Variants in RBFOX1 observed in about 807,000 individuals in gnomAD.
RBFOX1 encodes RNA binding protein fox-1 homolog 1.
A neutral mutation model predicts 57.7 loss-of-function variants in RBFOX1; 8 were observed. The ratio of observed to expected loss-of-function variants is 0.14; its 90% CI spans 0.08 to 0.25. The LOEUF (loss-of-function observed/expected upper bound fraction) is 0.25. RBFOX1 is among the 10% of genes least tolerant of loss of function. The pLI is 1.00. For synonymous variants in RBFOX1, 326 were observed against 222.4 expected, an observed-to-expected ratio of 1.47 and a Z score of -4.15; for missense variants, 611 against 548.5, an observed-to-expected ratio of 1.11 and a Z score of -1.14.
At chr16:5,482,098 T>C (rs776989343) in intron 2 of RBFOX1, among the ~76,000 whole-genome samples, 1 of 152,172 alleles carries the variant, frequency 6.6e-6, no homozygotes, top group Non-Finnish European at 1.5e-5. Flanking sequence ...CTAGGGACTT[T>C]CACCATGGCG....
chr16:5,353,387 A>AAG (rs397963021), intron 1 of RBFOX1, among the ~76,000 whole-genome samples: 3 of 151,152 alleles, frequency 2.0e-5, no homozygotes, highest in Non-Finnish European at 3.0e-5. Context: ...AAAAAAAAAA[A>AAG]GACTTCTTTG....
At chr16:6,863,536 T>C (rs2059370958) in intron 3 of RBFOX1, among the ~76,000 whole-genome samples, 1 of 151,982 alleles carries the variant, frequency 6.6e-6, no homozygotes. Context: ...ATTACAATTA[T>C]TTTCTGGTTA....
chr16:5,646,084 C>T (rs1405463109), intron 3 of RBFOX1, among the ~76,000 whole-genome samples: 1 of 151,382 alleles, frequency 6.6e-6, no homozygotes, highest in Non-Finnish European at 1.5e-5. Flanking sequence ...GGTTGGAGTA[C>T]GGTGGCACAA....
At chr16:6,336,223 G>T (rs1227718769) in intron 2 of RBFOX1, among the ~76,000 whole-genome samples, 3 of 75,148 alleles carry the variant, frequency 4.0e-5, no homozygotes, top group Non-Finnish European at 7.7e-5. Context: ...TTTTGAGATG[G>T]AGTCTCGCTC....
intron 2 of RBFOX1, among the ~76,000 whole-genome samples, chr16:6,461,154 G>A (rs1267734543): frequency 3.3e-5 from 5 of 152,122 alleles, no homozygotes; most frequent in Admixed American, 2.6e-4. Context: ...TGCATGCTGG[G>A]CTTAGTACCT....
chr16:7,107,333 C>G (rs1418281363), intron 4 of RBFOX1, among the ~76,000 whole-genome samples: 2 of 152,094 alleles, frequency 1.3e-5, no homozygotes, highest in South Asian at 2.1e-4. Flanking sequence ...ATATTCTCAT[C>G]TAATGCAGCA....
chr16:5,350,775 A>G (rs2065245560), intron 1 of RBFOX1, among the ~76,000 whole-genome samples: 1 of 152,214 alleles, frequency 6.6e-6, no homozygotes, highest in African/African-American at 2.4e-5. Flanking sequence ...CTGAGGCAGG[A>G]GAATCACTTG....
intron 3 of RBFOX1, among the ~76,000 whole-genome samples, chr16:6,657,478 G>T (rs2098667398): frequency 6.6e-6 from 1 of 152,032 alleles, no homozygotes; most frequent in Non-Finnish European, 1.5e-5. Flanking sequence ...TATGGTGTGA[G>T]GCCACACAGG....
At chr16:6,843,636 C>T (rs1479514536) in intron 3 of RBFOX1, among the ~76,000 whole-genome samples, 1 of 152,120 alleles carries the variant, frequency 6.6e-6, no homozygotes, top group East Asian at 1.9e-4. Context: ...TTGCAGTGAG[C>T]CGACATCGCG....
intron 3 of RBFOX1, among the ~76,000 whole-genome samples, chr16:6,896,781 C>A (rs766198591): frequency 2.0e-5 from 3 of 152,032 alleles, no homozygotes; most frequent in Non-Finnish European, 4.4e-5. Flanking sequence ...CACAAATGTA[C>A]ATGAGAGGTG....
chr16:7,302,892 A>G (rs2096067484), intron 4 of RBFOX1, among the ~76,000 whole-genome samples: 1 of 152,096 alleles, frequency 6.6e-6, no homozygotes, highest in South Asian at 2.1e-4. Context: ...GGGAGGGGAG[A>G]CCCGTTTGCA....
chr16:6,940,872 T>TGC (rs2078304801), intron 3 of RBFOX1, among the ~76,000 whole-genome samples: 1 of 138,914 alleles, frequency 7.2e-6, no homozygotes, highest in Non-Finnish European at 1.6e-5. Context: ...TGTGTGTGTG[T>TGC]GTGTGTGTGT....
At chr16:5,921,192 A>G (rs997022813) in intron 4 of RBFOX1, among the ~76,000 whole-genome samples, 1 of 152,230 alleles carries the variant, frequency 6.6e-6, no homozygotes, top group Non-Finnish European at 1.5e-5. Context: ...GGAGAAAGCT[A>G]GAGAAACAAG....
chr16:5,457,452 A>G (rs769802854), intron 1 of RBFOX1, among the ~76,000 whole-genome samples: 2 of 152,114 alleles, frequency 1.3e-5, no homozygotes, highest in Non-Finnish European at 2.9e-5. Context: ...CTCTTTTTAT[A>G]AGAGCACTAA....
intron 2 of RBFOX1, among the ~76,000 whole-genome samples, chr16:5,591,198 A>C (rs1314465393): frequency 6.6e-6 from 1 of 152,156 alleles, no homozygotes; most frequent in African/African-American, 2.4e-5. Flanking sequence ...CAAGGGTCAG[A>C]AATATAAAAT....
chr16:6,548,969 A>C lies in RBFOX1; in HGVS notation c.-63-105634A>C, dbSNP rs184770496. Among the ~76,000 whole-genome samples the C allele has an allele frequency of 6.6e-5, 10 of 150,472 alleles. No homozygotes were observed. In the East Asian group the frequency reaches 2.0e-3, roughly 30 times the overall value. ...CGGCGCCTGTAATCCCAGGTACTCA[A>C]GTGGCTGAGGCAGGAGATTCACTTG... On this transcript the variant is annotated intron_variant, in intron 2 of 15. Coordinates refer to ENST00000550418, the MANE Select transcript of RBFOX1 (RefSeq NM_018723.4).
intron 2 of RBFOX1, among the ~76,000 whole-genome samples, chr16:5,592,250 G>T (rs1388343978): frequency 2.0e-5 from 3 of 151,958 alleles, no homozygotes; most frequent in African/African-American, 4.8e-5. Context: ...TCTTTGTTCA[G>T]TGGGTTTTAA....
At chr16:7,199,302 T>C (rs1416130989) in intron 4 of RBFOX1, among the ~76,000 whole-genome samples, 1 of 151,272 alleles carries the variant, frequency 6.6e-6, no homozygotes, top group African/African-American at 2.4e-5. Context: ...GTTTAATAAT[T>C]CAGGATCCAC....
At chr16:7,079,868 T>G (rs765593397) in intron 4 of RBFOX1, among the ~76,000 whole-genome samples, 32 of 151,870 alleles carry the variant, frequency 2.1e-4, no homozygotes, top group Non-Finnish European at 3.7e-4. Context: ...ATTAAGTGAG[T>G]GTAGAATTCC....
Sources: allele counts gnomAD v4.1 joint callset (sites outside exome capture counted in the v4.1 genomes callset), GRCh38; gene constraint gnomAD v4.1.1; transcripts MANE v1.5; gene names NCBI Gene and HGNC (gene_info 2026-07-23, HGNC 2026-07-21).